The following PRMT1 variants were observed in gnomAD, a reference collection of about 807,000 sequenced individuals.
The protein encoded by PRMT1 is protein arginine methyltransferase 1, also known as protein arginine N-methyltransferase 1.
A neutral mutation model predicts 47.4 loss-of-function variants in PRMT1; 5 were observed. That is an observed-to-expected ratio of 0.11 (90% CI 0.06 to 0.22). PRMT1 has a LOEUF of 0.22. Ranked by LOEUF, PRMT1 falls within the 10% of genes least tolerant of loss-of-function variation. PRMT1 has a pLI of 1.00. For missense variants in PRMT1, 249 were observed against 518.4 expected (o/e 0.48, Z 5.05); for synonymous variants, 227 against 204.6 (o/e 1.11, Z -0.94).
upstream of PRMT1, chr19:49,677,087 CCT>C: frequency 2.2e-6 from 1 of 454,698 alleles, no homozygotes; most frequent in Non-Finnish European, 3.6e-6. Flanking sequence ...TTGGCAAACC[CCT>C]GACCTATGAT....
rs1381444410 is a variant in PRMT1 at position 49,685,407 on chromosome 19, C to T, written c.759+370C>T. The T allele has an allele frequency of 1.2e-5, 15 of 1,209,504 alleles. No homozygotes were observed. The highest frequency in any genetic ancestry group is 1.6e-5 in the Non-Finnish European group (15 of 959,940). The allele number at this position is 1,209,504 out of a possible 1,614,324, so 74.9% of individuals were successfully genotyped here. A position where few individuals can be genotyped will look rare whatever the true frequency, so the allele number is the denominator to read the frequency against. On this transcript the variant is annotated intron_variant, in intron 8 of 10. Transcript: ENST00000454376. This position sits in a 1 kb window ranked among gnomAD's most constrained non-coding sequence, Gnocchi z 4.7. ...GGGCTCCGAGATGTGCCTGAGGTCC[C>T]AGCTACTCGGGAGGATCACTTGGGC...
rs539647606 is a variant in PRMT1, at chr19:49,677,272, C to T, written c.-9C>T. ...TTGGCGGCCGGAGGAGGAGTAGGTG[C>T]GGGTGAAGATGGCGGCAGCCGAGGC... On this transcript the variant is annotated 5_prime_UTR_variant, in exon 1 of 11. Coordinates refer to ENST00000454376, the MANE Select transcript of PRMT1 (RefSeq NM_001536.6). 24 of 1,416,740 alleles carry T rather than the reference C, an allele frequency of 1.7e-5. No homozygotes were observed. In the South Asian group the frequency reaches 2.6e-4, roughly 15 times the overall value. 87.8% of individuals were successfully genotyped at this position (1,416,740 alleles called of 1,614,324 possible). A position where few individuals can be genotyped will look rare whatever the true frequency, so the allele number is the denominator to read the frequency against.
At chr19:49,679,686 C>G in intron 1 of PRMT1, 186 bp from the exon 2 acceptor site, 43 of 597,456 alleles carry the variant, frequency 7.2e-5, no homozygotes, top group East Asian at 2.4e-4. Context: ...CCCCTTTCTT[C>G]TCCCCTCACT....
Position 49,685,870 on chromosome 19 carries a change from G to A in PRMT1, c.760-223G>A. On this transcript the variant is annotated intron_variant, in intron 8 of 10. Transcript: ENST00000454376. The surrounding 1 kb of genome is among the most constrained non-coding windows in gnomAD (Gnocchi z 4.7). ...GGTGGCACTGCCAGGTTTGGGTGTT[G>A]GAGAGGAGGGAGCAAGGAATCTGGG... The A allele has an allele frequency of 7.2e-7, 1 of 1,391,286 alleles. No homozygotes were observed. Among genetic ancestry groups the A allele is most frequent in the Non-Finnish European group, 9.3e-7 (1 of 1,074,164 alleles). The allele number at this position is 1,391,286 out of a possible 1,614,324, so 86.2% of individuals were successfully genotyped here. A position where few individuals can be genotyped will look rare whatever the true frequency, so the allele number is the denominator to read the frequency against.
At position 49,685,321 on chromosome 19, in the gene PRMT1, C is replaced by T. The variant is rs1318922637; in HGVS notation, c.759+284C>T. 5 of 1,353,956 alleles carry T rather than the reference C, an allele frequency of 3.7e-6. No homozygotes were observed. The highest frequency in any genetic ancestry group is 1.5e-5 in the African/African-American group (1 of 67,974). The allele number at this position is 1,353,956 out of a possible 1,614,324, so 83.9% of individuals were successfully genotyped here. A position where few individuals can be genotyped will look rare whatever the true frequency, so the allele number is the denominator to read the frequency against. On this transcript the variant is annotated intron_variant, in intron 8 of 10. Transcript: ENST00000454376. The surrounding 1 kb of genome is among the most constrained non-coding windows in gnomAD (Gnocchi z 4.7). Reference sequence around the variant, plus strand: ...AGCCCATGCACGGAAAGGCAGGACCCCAGGGCGATGAGCGGATGCACATGC... The same window carrying T: ...AGCCCATGCACGGAAAGGCAGGACCTCAGGGCGATGAGCGGATGCACATGC...
rs1482063138 is a variant in PRMT1 at position 49,685,147 on chromosome 19, AG to A, written c.759+111del. The A allele has an allele frequency of 6.4e-7, 1 of 1,565,996 alleles. No homozygotes were observed. The highest frequency in any genetic ancestry group is 1.2e-5 in the South Asian group (1 of 86,266). On this transcript the variant is annotated intron_variant, in intron 8 of 10. Coordinates refer to ENST00000454376, the MANE Select transcript of PRMT1 (RefSeq NM_001536.6). The surrounding 1 kb of genome is among the most constrained non-coding windows in gnomAD (Gnocchi z 4.7). ...CCAGAATGTTGGCCTGAGGTCTCAGAGCCTGATCTGCCAGCCAGAGGTGGTG... is the reference window on the plus strand; with the variant it reads ...CCAGAATGTTGGCCTGAGGTCTCAGACCTGATCTGCCAGCCAGAGGTGGTG...
Position 49,680,704 on chromosome 19 carries a change from CT to C in PRMT1, c.192+117del, listed in dbSNP as rs924206857. 283 of 830,592 alleles carry C rather than the reference CT, an allele frequency of 3.4e-4. No individual in the cohort carries two copies. Among genetic ancestry groups the C allele is most frequent in the South Asian group, 2.1e-3 (139 of 65,062 alleles). 51.5% of individuals were successfully genotyped at this position (830,592 alleles called of 1,614,324 possible). ...CTTCCCCTGGCCGCAGGCCGCCCCCCTGCCCCTCTGCTGCGCACTTCCTAGG... is the reference window on the plus strand; with the variant it reads ...CTTCCCCTGGCCGCAGGCCGCCCCCCGCCCCTCTGCTGCGCACTTCCTAGG... On this transcript the variant is annotated intron_variant, in intron 3 of 10. Coordinates refer to ENST00000454376, the MANE Select transcript of PRMT1 (RefSeq NM_001536.6). This position sits in a 1 kb window ranked among gnomAD's most constrained non-coding sequence, Gnocchi z 4.2.
rs1407719671 is a variant in PRMT1, at chr19:49,685,328, G to A, written c.759+291G>A. On this transcript the variant is annotated intron_variant, in intron 8 of 10. Coordinates refer to ENST00000454376, the MANE Select transcript of PRMT1 (RefSeq NM_001536.6). The surrounding 1 kb of genome is among the most constrained non-coding windows in gnomAD (Gnocchi z 4.7). ...GCACGGAAAGGCAGGACCCCAGGGCGATGAGCGGATGCACATGCACGCGGG... is the reference window on the plus strand; with the variant it reads ...GCACGGAAAGGCAGGACCCCAGGGCAATGAGCGGATGCACATGCACGCGGG... The A allele has an allele frequency of 1.7e-5, 23 of 1,335,928 alleles. No homozygotes were observed. Among genetic ancestry groups the A allele is most frequent in the South Asian group, 7.5e-5 (5 of 66,516 alleles). The allele number at this position is 1,335,928 out of a possible 1,614,324, so 82.8% of individuals were successfully genotyped here. A position where few individuals can be genotyped will look rare whatever the true frequency, so the allele number is the denominator to read the frequency against.
At chr19:49,682,940 C>T (rs1204429997) in intron 5 of PRMT1, among the ~76,000 whole-genome samples, 2 of 152,002 alleles carry the variant, frequency 1.3e-5, no homozygotes, top group African/African-American at 2.4e-5. Context: ...CGCCAGCCAC[C>T]ACGCCCGGCT....
Position 49,685,334 on chromosome 19 carries a change from C to T in PRMT1, c.759+297C>T, listed in dbSNP as rs184272317. 159 of 1,326,904 alleles carry T rather than the reference C, an allele frequency of 1.2e-4. No homozygotes were observed. The East Asian group carries it at 4.9e-3, about 41-fold the overall frequency. The allele number at this position is 1,326,904 out of a possible 1,614,324, so 82.2% of individuals were successfully genotyped here. A position where few individuals can be genotyped will look rare whatever the true frequency, so the allele number is the denominator to read the frequency against. On this transcript the variant is annotated intron_variant, in intron 8 of 10. Transcript: ENST00000454376. The surrounding 1 kb of genome is among the most constrained non-coding windows in gnomAD (Gnocchi z 4.7). ...AAAGGCAGGACCCCAGGGCGATGAG[C>T]GGATGCACATGCACGCGGGCCACTG... is the stretch of plus-strand genomic sequence containing the variant.
Position 49,677,477 on chromosome 19 carries a change from T to A in PRMT1, c.36+161T>A, listed in dbSNP as rs533678449. 559 of 528,334 alleles carry A rather than the reference T, an allele frequency of 1.1e-3. 1 individual carries two copies. Among genetic ancestry groups the A allele is most frequent in the African/African-American group, 0.01 (528 of 51,196 alleles). 32.7% of individuals were successfully genotyped at this position (528,334 alleles called of 1,614,324 possible). ...CCACATCCGGGGATATCGTTTGAGGTGACGGCTCCCTAGCTTCCAAGGGCC... is the reference window on the plus strand; with the variant it reads ...CCACATCCGGGGATATCGTTTGAGGAGACGGCTCCCTAGCTTCCAAGGGCC... On this transcript the variant is annotated intron_variant, in intron 1 of 10. Transcript: ENST00000454376.
intron 4 of PRMT1, 64 bp from the exon 5 acceptor site, chr19:49,682,132 G>A: frequency 1.2e-6 from 2 of 1,613,732 alleles, no homozygotes; most frequent in Admixed American, 1.7e-5. Flanking sequence ...CAGGGCTCAG[G>A]GATTGGATGG....
chr19:49,683,075 C>CTT (rs895708880), intron 5 of PRMT1, among the ~76,000 whole-genome samples: 2 of 143,260 alleles, frequency 1.4e-5, no homozygotes, highest in Non-Finnish European at 3.1e-5. Context: ...CAGGTGTGAA[C>CTT]TTTTTTTTTT....
intron 5 of PRMT1, among the ~76,000 whole-genome samples, chr19:49,682,765 G>A (rs1325099617): frequency 4.7e-5 from 7 of 148,660 alleles, no homozygotes; most frequent in Middle Eastern, 6.5e-3. Context: ...CACCATCATA[G>A]GTACATCCCC....
At chr19:49,677,753 C>G (rs899012966) in intron 1 of PRMT1, among the ~76,000 whole-genome samples, 1 of 151,914 alleles carries the variant, frequency 6.6e-6, no homozygotes, top group African/African-American at 2.4e-5. Context: ...GACCTGGGCA[C>G]ACGCCGTGGG....
In PRMT1 at chr19:49,688,200, C is replaced by A; in HGVS notation, c.1071C>A (p.Gly357=). The A allele has an allele frequency of 6.2e-7, 1 of 1,613,986 alleles. No individual in the cohort carries two copies. The highest frequency in any genetic ancestry group is 8.5e-7 in the Non-Finnish European group (1 of 1,179,934). ...LDFTIDLDFK[G]QLCELSCSTD... Reference sequence around the variant, plus strand: ...TCACCATCGACCTGGACTTCAAGGGCCAGCTGTGCGAGCTGTCCTGCTCCA... The same window carrying A: ...TCACCATCGACCTGGACTTCAAGGGACAGCTGTGCGAGCTGTCCTGCTCCA... The change falls in exon 11 of 11, where the codon GGC becomes GGA. Residue 357 remains glycine, a synonymous_variant. Coordinates refer to ENST00000454376, the MANE Select transcript of PRMT1 (RefSeq NM_001536.6). The surrounding 1 kb of genome is among the most constrained non-coding windows in gnomAD (Gnocchi z 5.3).
upstream of PRMT1, chr19:49,676,235 A>G (rs1458587938): frequency 2.6e-5 from 4 of 152,278 alleles, no homozygotes; most frequent in Admixed American, 2.6e-4. Flanking sequence ...CCAAAGAGCG[A>G]GCTCATTCCG....
At chr19:49,678,901 T>G (rs1243289544) in intron 1 of PRMT1, among the ~76,000 whole-genome samples, 1 of 148,612 alleles carries the variant, frequency 6.7e-6, no homozygotes, top group Admixed American at 6.9e-5. Context: ...TTTTTTTTTT[T>G]GAGACGGAGT....
Position 49,685,584 on chromosome 19 carries a change from G to A in PRMT1, c.760-509G>A. 1 of 1,021,562 alleles carries A rather than the reference G, an allele frequency of 9.8e-7. No homozygotes were observed. The allele number at this position is 1,021,562 out of a possible 1,614,324, so 63.3% of individuals were successfully genotyped here. On this transcript the variant is annotated intron_variant, in intron 8 of 10. Transcript: ENST00000454376. The surrounding 1 kb of genome is among the most constrained non-coding windows in gnomAD (Gnocchi z 4.7). ...ACGGCGATGAGTATTTGTTGAGCTG[G>A]GATGTGTGAGCCGGGTGAAGCTGGG... is the stretch of plus-strand genomic sequence containing the variant.
Sources: allele counts gnomAD v4.1 joint callset (sites outside exome capture counted in the v4.1 genomes callset), GRCh38; gene constraint gnomAD v4.1.1; non-coding constraint Gnocchi (gnomAD v3.1); transcripts MANE v1.5; gene names NCBI Gene and HGNC (gene_info 2026-07-23, HGNC 2026-07-21).